Variants in RORA observed in about 807,000 individuals in gnomAD.
The protein encoded by RORA is nuclear receptor ROR-alpha.
A neutral mutation model predicts 69.5 loss-of-function variants in RORA; 7 were observed. The ratio of observed to expected loss-of-function variants is 0.10; its 90% CI spans 0.06 to 0.19. The LOEUF is 0.19. Among genes scored for constraint, RORA ranks in the 10% least tolerant of loss-of-function variants. The pLI is 1.00. For synonymous variants in RORA, 261 were observed against 240.8 expected (o/e 1.08, Z -0.78); for missense variants, 457 against 663.0 (o/e 0.69, Z 3.41).
intron 1 of RORA, among the ~76,000 whole-genome samples, chr15:61,062,590 G>A (rs1311135796): frequency 6.6e-6 from 1 of 152,198 alleles, no homozygotes; most frequent in Non-Finnish European, 1.5e-5. Flanking sequence ...TAAAAGCATA[G>A]CATGTCTGTG....
chr15:60,904,248 C>T lies in RORA; in HGVS notation c.167-225562G>A, dbSNP rs116998687. Among the ~76,000 whole-genome samples, 38 of 152,284 alleles carry T rather than the reference C, an allele frequency of 2.5e-4. No homozygotes were observed. The East Asian group carries it at 7.1e-3, about 29-fold the overall frequency. On this transcript the variant is annotated intron_variant, in intron 1 of 10. Transcript: ENST00000335670. ...CGTTTTTCTTTATGATATGAGCGTC[C>T]TGGCTGGAAGAGAGCTGAGCTTCAG...
intron 1 of RORA, among the ~76,000 whole-genome samples, chr15:60,930,043 G>A (rs1892332189): frequency 6.6e-6 from 1 of 152,180 alleles, no homozygotes; most frequent in African/African-American, 2.4e-5. Flanking sequence ...CTAGTCTCTT[G>A]TGGCTGTTGG....
chr15:61,127,741 G>A (rs1174663655), intron 1 of RORA, among the ~76,000 whole-genome samples: 1 of 152,092 alleles, frequency 6.6e-6, no homozygotes, highest in Non-Finnish European at 1.5e-5. Flanking sequence ...TTTTTCAATA[G>A]TTGTCCTTGA....
chr15:61,108,679 T>G (rs1042882870), intron 1 of RORA, among the ~76,000 whole-genome samples: 3 of 152,228 alleles, frequency 2.0e-5, no homozygotes, highest in Non-Finnish European at 4.4e-5. Flanking sequence ...CTCTAAGGTT[T>G]GAGGAAAACA....
At chr15:60,810,790 A>G (rs886252256) in intron 1 of RORA, among the ~76,000 whole-genome samples, 1 of 150,100 alleles carries the variant, frequency 6.7e-6, no homozygotes, top group South Asian at 2.1e-4. Flanking sequence ...CTCACATTAT[A>G]TGCTTTCCTT....
At chr15:61,220,933 C>T (rs961695090) in intron 1 of RORA, among the ~76,000 whole-genome samples, 1 of 152,200 alleles carries the variant, frequency 6.6e-6, no homozygotes, top group Non-Finnish European at 1.5e-5. Flanking sequence ...ACAGCCCCCA[C>T]TCCCCAGCCC....
chr15:60,541,642 G>A (rs1246700155), intron 2 of RORA, among the ~76,000 whole-genome samples: 2 of 152,174 alleles, frequency 1.3e-5, no homozygotes, highest in South Asian at 2.1e-4. Context: ...AAGTAGTTGC[G>A]AGACATAAGG....
chr15:61,120,855 A>AT (rs1168116763), intron 1 of RORA, among the ~76,000 whole-genome samples: 18 of 149,620 alleles, frequency 1.2e-4, no homozygotes, highest in South Asian at 4.3e-4. Context: ...TTTTTTTATT[A>AT]TTTTTTTTTT....
At chr15:61,033,532 T>C (rs934211528) in intron 1 of RORA, among the ~76,000 whole-genome samples, 5 of 152,210 alleles carry the variant, frequency 3.3e-5, no homozygotes, top group Admixed American at 3.3e-4. Flanking sequence ...ATTCATTCTT[T>C]ATCTCCAAAT....
At chr15:60,616,097 A>G (rs1425119991) in intron 2 of RORA, among the ~76,000 whole-genome samples, 4 of 152,228 alleles carry the variant, frequency 2.6e-5, no homozygotes, top group African/African-American at 9.6e-5. Flanking sequence ...GTCCACATAT[A>G]TACACTCACA....
At chr15:60,849,721 T>G (rs572990797) in intron 1 of RORA, among the ~76,000 whole-genome samples, 2 of 152,330 alleles carry the variant, frequency 1.3e-5, no homozygotes, top group Non-Finnish European at 2.9e-5. Flanking sequence ...AGTGATTGAT[T>G]TCAAGCTACC....
At position 60,817,514 on chromosome 15, in the gene RORA, A is replaced by G. The variant is rs190250957; in HGVS notation, c.167-138828T>C. On this transcript the variant is annotated intron_variant, in intron 1 of 10. Coordinates refer to ENST00000335670, the MANE Select transcript of RORA (RefSeq NM_134261.3). ...TATATAATACATTACTATTAACTAT[A>G]GTCCCCAGGCTGTGCACCTGTGCAA... Among the ~76,000 whole-genome samples the G allele has an allele frequency of 3.9e-5, 6 of 152,354 alleles. No individual in the cohort carries two copies. In the East Asian group the frequency reaches 1.2e-3, roughly 29 times the overall value.
intron 1 of RORA, among the ~76,000 whole-genome samples, chr15:60,697,722 C>A (rs377211678): frequency 6.6e-6 from 1 of 152,110 alleles, no homozygotes; most frequent in Non-Finnish European, 1.5e-5. Context: ...TCTGAAGAGA[C>A]GTAAATTTCT....
At position 60,514,625 on chromosome 15, in the gene RORA, A is replaced by T; in HGVS notation, c.415T>A (p.Ser139Thr). 6.2e-7 allele frequency: 1 copy of T among 1,614,032 alleles called. No homozygotes were observed. The highest frequency in any genetic ancestry group is 8.5e-7 in the Non-Finnish European group (1 of 1,179,942). ...AGCTGTGAGAGCTCACCATCTCGAG[A>T]CATCCCTACGGCAAGGCATTTCTGT... is the stretch of plus-strand genomic sequence containing the variant. ...RLQKCLAVGM[S>T]RDAVKFGRMS... The change falls in exon 4 of 11, where the codon TCT becomes ACT. Residue 139 changes from serine to threonine, a missense_variant. Around this residue, in one of 3 missense-constraint regions of RORA, gnomAD observed 34 missense variants for 123.2 expected, o/e 0.28. Coordinates refer to ENST00000335670, the MANE Select transcript of RORA (RefSeq NM_134261.3).
At chr15:61,029,815 G>A (rs1896049271) in intron 1 of RORA, among the ~76,000 whole-genome samples, 1 of 152,186 alleles carries the variant, frequency 6.6e-6, no homozygotes. Context: ...TTTTAGACAT[G>A]GAGATCAAAG....
At chr15:60,740,092 G>A (rs2071555167) in intron 1 of RORA, among the ~76,000 whole-genome samples, 1 of 152,106 alleles carries the variant, frequency 6.6e-6, no homozygotes, top group African/African-American at 2.4e-5. Flanking sequence ...ACTGGAAAGG[G>A]GACTTGAGAT....
intron 1 of RORA, among the ~76,000 whole-genome samples, chr15:61,051,206 A>T (rs939307750): frequency 6.6e-6 from 1 of 152,206 alleles, no homozygotes; most frequent in African/African-American, 2.4e-5. Context: ...CAGGGTAGAC[A>T]GAAGGTGATA....
intron 2 of RORA, among the ~76,000 whole-genome samples, chr15:60,535,735 A>T (rs2066655051): frequency 6.6e-6 from 1 of 152,232 alleles, no homozygotes. Flanking sequence ...CCAGTACTTC[A>T]TTCTGTGGGT....
intron 1 of RORA, among the ~76,000 whole-genome samples, chr15:60,953,827 C>T (rs1352374862): frequency 2.7e-5 from 4 of 150,780 alleles, no homozygotes; most frequent in African/African-American, 9.7e-5. Flanking sequence ...AATGGGAACA[C>T]TTTTACACTG....
Sources: allele counts gnomAD v4.1 joint callset (sites outside exome capture counted in the v4.1 genomes callset), GRCh38; gene constraint gnomAD v4.1.1; regional missense constraint gnomAD v4.1.1; transcripts MANE v1.5; gene names NCBI Gene and HGNC (gene_info 2026-07-23, HGNC 2026-07-21).